Variants in IRAK2 observed in about 807,000 individuals in gnomAD.
The protein encoded by IRAK2 is interleukin 1 receptor associated kinase 2, also known as interleukin-1 receptor-associated kinase-like 2.
IRAK2 carries 57 observed loss-of-function variants against 72.0 expected under a neutral mutation model. The ratio of observed to expected loss-of-function variants is 0.79; its 90% CI spans 0.64 to 0.99. The LOEUF is 0.99. Ranked by LOEUF, IRAK2 falls within the 50% of genes least tolerant of loss-of-function variation. IRAK2 has a pLI of 0.00. For synonymous variants in IRAK2, 293 were observed against 312.7 expected, an observed-to-expected ratio of 0.94 and a Z score of 0.67; for missense variants, 790 against 794.4, an observed-to-expected ratio of 0.99 and a Z score of 0.07.
intron 11 of IRAK2, among the ~76,000 whole-genome samples, chr3:10,237,805 CAAAA>C (rs751642671): frequency 9.0e-5 from 5 of 55,810 alleles, no homozygotes; most frequent in African/African-American, 1.7e-4. Context: ...GACTCTGTCT[CAAAA>C]AAAAAAAAAA....
Position 10,221,203 on chromosome 3 carries a change from T to C in IRAK2, c.1013+1414T>C, listed in dbSNP as rs549098042. Among the ~76,000 whole-genome samples the C allele has an allele frequency of 3.6e-3, 518 of 144,610 alleles. 2 individuals are homozygous for C. The highest frequency in any genetic ancestry group is 5.8e-3 in the Non-Finnish European group (384 of 66,460). 94.9% of individuals were successfully genotyped at this position (144,610 alleles called of 152,430 possible). A position where few individuals can be genotyped will look rare whatever the true frequency, so the allele number is the denominator to read the frequency against. ...GTCAAGAGATCGAGACCATCCTGGC[T>C]AACACGGTGAAACCTCGTCTCTACT... On this transcript the variant is annotated intron_variant, in intron 8 of 12. Transcript: ENST00000256458.
rs1156305048 is a variant in IRAK2, at chr3:10,200,377, G to C, written c.286G>C (p.Ala96Pro). ...TTCCACCTTGTTTTCAGGGAAACCG[G>C]CTCCTGAAATCAGGTGTCCCATTCC... ...AAQIILNWKP[A>P]PEIRCPIPAF... The change falls in exon 3 of 13, where the codon GCT becomes CCT. Residue 96 changes from alanine to proline, a missense_variant. Physicochemically the swap from Ala to Pro is conservative, Grantham distance 27. Transcript: ENST00000256458. 5.1e-6 allele frequency: 8 copies of C among 1,582,274 alleles called. No individual in the cohort carries two copies. In the African/African-American group the frequency reaches 9.5e-5, roughly 19 times the overall value.
intron 2 of IRAK2, among the ~76,000 whole-genome samples, chr3:10,197,571 G>A (rs1487258053): frequency 6.6e-6 from 1 of 152,006 alleles, no homozygotes; most frequent in Admixed American, 6.6e-5. Flanking sequence ...TCCAAAGGAG[G>A]GCCGGGCATG....
intron 10 of IRAK2, among the ~76,000 whole-genome samples, chr3:10,229,860 G>T (rs1329757727): frequency 6.6e-6 from 1 of 152,194 alleles, no homozygotes; most frequent in Non-Finnish European, 1.5e-5. Flanking sequence ...CGGCACTTTG[G>T]GAGGCTGAGG....
Position 10,195,467 on chromosome 3 carries a change from G to A in IRAK2, c.278-4902G>A, listed in dbSNP as rs116862994. Among the ~76,000 whole-genome samples, 695 of 152,014 alleles carry A rather than the reference G, an allele frequency of 4.6e-3. 23 individuals are homozygous for A. The South Asian group carries it at 0.082, about 18-fold the overall frequency. ...CATGGGAGGCTAAGAGAGGAGGATA[G>A]CTTGAGCTCAGGAGTTTGAGGCTGC... On this transcript the variant is annotated intron_variant, in intron 2 of 12. Coordinates refer to ENST00000256458, the MANE Select transcript of IRAK2 (RefSeq NM_001570.4).
In IRAK2 at chr3:10,242,147, T is replaced by C. The variant is rs1438088056; in HGVS notation, c.1797T>C (p.Asn599=). 6.2e-7 allele frequency: 1 copy of C among 1,612,998 alleles called. No individual in the cohort carries two copies. The highest frequency in any genetic ancestry group is 2.2e-5 in the East Asian group (1 of 44,878). Residue 599 remains asparagine, a synonymous_variant, in exon 13 of 13, where the codon AAT becomes AAC. Coordinates refer to ENST00000256458, the MANE Select transcript of IRAK2 (RefSeq NM_001570.4). The part of the protein sequence containing the change: ...VTETSWQIEI[N]EAKRKLMENI... ...AAACTTCGTGGCAAATTGAGATCAA[T>C]GAGGCCAAAAGGAAACTGATGGAGA... is the stretch of plus-strand genomic sequence containing the variant.
chr3:10,215,111 G>C (rs112170505), intron 6 of IRAK2, among the ~76,000 whole-genome samples: 2 of 151,238 alleles, frequency 1.3e-5, no homozygotes, highest in Non-Finnish European at 2.9e-5. Flanking sequence ...TAAAGGCCAG[G>C]CATGGTGGCT....
intron 9 of IRAK2, among the ~76,000 whole-genome samples, chr3:10,225,701 G>GTTT (rs34166203): frequency 1.4e-5 from 2 of 141,170 alleles, no homozygotes; most frequent in Non-Finnish European, 3.1e-5. Context: ...GTTTTTTGGT[G>GTTT]TTTTTTTTTT....
intron 2 of IRAK2, among the ~76,000 whole-genome samples, chr3:10,189,976 G>T (rs1697148244): frequency 6.6e-6 from 1 of 151,920 alleles, no homozygotes; most frequent in South Asian, 2.1e-4. Flanking sequence ...TCTAGTAATA[G>T]CTTGTGTTTA....
intron 2 of IRAK2, among the ~76,000 whole-genome samples, chr3:10,182,692 G>A (rs1406538303): frequency 6.6e-6 from 1 of 151,778 alleles, no homozygotes; most frequent in Non-Finnish European, 1.5e-5. Context: ...ATTACAGGCT[G>A]AGCCACTGCG....
chr3:10,184,603 T>TA (rs1017703618), intron 2 of IRAK2, among the ~76,000 whole-genome samples: 1 of 150,962 alleles, frequency 6.6e-6, no homozygotes, highest in Non-Finnish European at 1.5e-5. Context: ...GAAGCCACAA[T>TA]AAAAAACTCC....
chr3:10,214,667 C>A (rs1697574970), intron 6 of IRAK2, among the ~76,000 whole-genome samples: 1 of 151,734 alleles, frequency 6.6e-6, no homozygotes, highest in Admixed American at 6.6e-5. Context: ...AGAAAATTGA[C>A]CAGGTATGGT....
At chr3:10,181,706 A>G (rs1455672677) in intron 2 of IRAK2, among the ~76,000 whole-genome samples, 3 of 152,182 alleles carry the variant, frequency 2.0e-5, no homozygotes, top group African/African-American at 4.8e-5. Flanking sequence ...TACAAAAACC[A>G]CAACCTTGCA....
chr3:10,233,791 T>C (rs776514), intron 10 of IRAK2, among the ~76,000 whole-genome samples: 88,021 of 152,080 alleles, frequency 0.58, 25,741 homozygotes, highest in East Asian at 0.77. Context: ...GTGTCAGATG[T>C]CACTCTCTGT....
At chr3:10,200,907 G>T (rs1002854441) in intron 3 of IRAK2, among the ~76,000 whole-genome samples, 2 of 152,034 alleles carry the variant, frequency 1.3e-5, no homozygotes, top group African/African-American at 4.8e-5. Context: ...CCTAAAGAAA[G>T]CAAAAAATCT....
intron 1 of IRAK2, among the ~76,000 whole-genome samples, chr3:10,177,613 G>A (rs764438898): frequency 6.6e-6 from 1 of 152,186 alleles, no homozygotes; most frequent in Non-Finnish European, 1.5e-5. Context: ...CTCCTGTCCC[G>A]TGGTCTTTCT....
chr3:10,180,127 A>G (rs575614335), intron 2 of IRAK2, among the ~76,000 whole-genome samples: 5 of 152,284 alleles, frequency 3.3e-5, no homozygotes, highest in African/African-American at 1.2e-4. Flanking sequence ...GTCGAAGAGA[A>G]TAAGTGCCTG....
At chr3:10,198,226 G>A (rs459338) in intron 2 of IRAK2, among the ~76,000 whole-genome samples, 151,542 of 152,386 alleles carry the variant, frequency 0.99, 75,352 homozygotes, top group East Asian at 1. Flanking sequence ...AAAACAAAAC[G>A]AAAATTTATT....
At chr3:10,216,903 T>C (rs1300943850) in intron 6 of IRAK2, 31 bp from the exon 7 acceptor site, 1 of 1,513,966 alleles carries the variant, frequency 6.6e-7, no homozygotes, top group Non-Finnish European at 9.2e-7. Flanking sequence ...TCCGTCTGAC[T>C]CCTCACACCT....
Sources: gnomAD v4.1 joint callset for allele counts (sites outside exome capture counted in the v4.1 genomes callset) on GRCh38, gnomAD v4.1.1 for gene constraint, MANE v1.5 for transcripts, NCBI Gene and HGNC (gene_info 2026-07-23, HGNC 2026-07-21) for gene names.